Variants in SLIT2 observed in about 807,000 individuals in gnomAD.
The protein encoded by SLIT2 is slit homolog 2 protein.
In SLIT2, 41 loss-of-function variants were observed where a neutral mutation model predicts 185.7. That is an observed-to-expected ratio of 0.22 (90% CI 0.17 to 0.29). The LOEUF is 0.29. SLIT2 is among the 10% of genes least tolerant of loss of function. SLIT2 has a pLI of 1.00. For synonymous variants in SLIT2, 693 were observed against 680.2 expected, an observed-to-expected ratio of 1.02 and a Z score of -0.29; for missense variants, 1,571 against 1,909.0, an observed-to-expected ratio of 0.82 and a Z score of 3.30.
intron 12 of SLIT2, among the ~76,000 whole-genome samples, chr4:20,521,059 A>G (rs1720796543): frequency 6.6e-6 from 1 of 152,212 alleles, no homozygotes; most frequent in Non-Finnish European, 1.5e-5. Flanking sequence ...CCATTCTTCC[A>G]CATTCCCCTA....
intron 4 of SLIT2, among the ~76,000 whole-genome samples, chr4:20,458,088 CAA>C (rs10672353): frequency 0.28 from 31,863 of 112,696 alleles, 3,325 homozygotes; most frequent in Middle Eastern, 0.32. Flanking sequence ...ACACATTATG[CAA>C]AAAAAAAAAA....
chr4:20,285,286 T>G (rs1247764905), intron 4 of SLIT2, among the ~76,000 whole-genome samples: 1 of 152,206 alleles, frequency 6.6e-6, no homozygotes, highest in Non-Finnish European at 1.5e-5. Context: ...CAACAAAGAT[T>G]AACAACCCTT....
chr4:20,296,031 A>G (rs1421257839), intron 4 of SLIT2, among the ~76,000 whole-genome samples: 2 of 152,252 alleles, frequency 1.3e-5, no homozygotes, highest in Non-Finnish European at 2.9e-5. Context: ...AAGTATGTTC[A>G]GACAAGTTTT....
intron 4 of SLIT2, among the ~76,000 whole-genome samples, chr4:20,366,103 T>C (rs1246921258): frequency 6.6e-6 from 1 of 152,120 alleles, no homozygotes; most frequent in Non-Finnish European, 1.5e-5. Flanking sequence ...AATGATATGC[T>C]CAGTGTTAAC....
chr4:20,498,452 A>G (rs1444140459), intron 9 of SLIT2, among the ~76,000 whole-genome samples: 2 of 152,244 alleles, frequency 1.3e-5, no homozygotes. Flanking sequence ...TGACTATCAA[A>G]TCTTAAGAAT....
At chr4:20,304,766 C>T (rs552843539) in intron 4 of SLIT2, among the ~76,000 whole-genome samples, 1 of 152,074 alleles carries the variant, frequency 6.6e-6, no homozygotes, top group African/African-American at 2.4e-5. Flanking sequence ...CCAACCATCC[C>T]CTCACCCCCA....
chr4:20,501,555 AT>A (rs1449131865), intron 9 of SLIT2, among the ~76,000 whole-genome samples: 6 of 152,312 alleles, frequency 3.9e-5, no homozygotes, highest in Admixed American at 2.0e-4. Context: ...AAGTGCTGGA[AT>A]TACAAGTGTG....
chr4:20,533,088 C>G (rs1297792311), intron 17 of SLIT2, among the ~76,000 whole-genome samples: 1 of 152,094 alleles, frequency 6.6e-6, no homozygotes, highest in Non-Finnish European at 1.5e-5. Flanking sequence ...TTGGTTGTTT[C>G]AACACATTAT....
intron 4 of SLIT2, among the ~76,000 whole-genome samples, chr4:20,281,448 G>C (rs1228275005): frequency 6.6e-6 from 1 of 152,130 alleles, no homozygotes; most frequent in Non-Finnish European, 1.5e-5. Context: ...TGTGCACCCG[G>C]GACAATTCAT....
chr4:20,511,238 T>C lies in SLIT2; in HGVS notation c.1058+101T>C, dbSNP rs545101526. The C allele has an allele frequency of 4.2e-4, 263 of 632,834 alleles. 1 individual carries two copies. Among genetic ancestry groups the C allele is most frequent in the Non-Finnish European group, 4.2e-5 (15 of 354,332 alleles). The allele number at this position is 632,834 out of a possible 1,614,324, so 39.2% of individuals were successfully genotyped here. ...AAAAAATGCTCTCAGGTTTTTATTA[T>C]GAATAATGAATTATTAATAATGTTA... On this transcript the variant is annotated intron_variant, in intron 11 of 36. Coordinates refer to ENST00000504154, the MANE Select transcript of SLIT2 (RefSeq NM_004787.4).
intron 34 of SLIT2, among the ~76,000 whole-genome samples, chr4:20,611,494 C>G (rs1729219969): frequency 6.6e-6 from 1 of 152,212 alleles, no homozygotes; most frequent in Non-Finnish European, 1.5e-5. Context: ...GAGGCATCTT[C>G]AAGTAACTAT....
At chr4:20,525,781 A>C (rs1721234526) in intron 15 of SLIT2, among the ~76,000 whole-genome samples, 1 of 152,168 alleles carries the variant, frequency 6.6e-6, no homozygotes, top group African/African-American at 2.4e-5. Context: ...ATTACAATAT[A>C]ACTCCATAAA....
At chr4:20,300,790 TG>T (rs1198417880) in intron 4 of SLIT2, among the ~76,000 whole-genome samples, 2 of 152,182 alleles carry the variant, frequency 1.3e-5, no homozygotes, top group African/African-American at 4.8e-5. Flanking sequence ...TAGGCTTTTA[TG>T]GAACTCTTCC....
chr4:20,401,859 TAATA>T (rs1469784903), intron 4 of SLIT2, among the ~76,000 whole-genome samples: 4 of 151,926 alleles, frequency 2.6e-5, no homozygotes, highest in Non-Finnish European at 5.9e-5. Flanking sequence ...GCATCACACT[TAATA>T]AATCTTAGTT....
chr4:20,398,317 A>T (rs575383179), intron 4 of SLIT2, among the ~76,000 whole-genome samples: 11 of 151,844 alleles, frequency 7.2e-5, no homozygotes, highest in East Asian at 1.9e-4. Context: ...GGGTCTTTGC[A>T]TTTGATTTGG....
At chr4:20,442,754 C>T (rs1374811452) in intron 4 of SLIT2, among the ~76,000 whole-genome samples, 3 of 151,996 alleles carry the variant, frequency 2.0e-5, no homozygotes, top group Admixed American at 1.3e-4. Flanking sequence ...AGAGTAAAGA[C>T]GAAAGACTGG....
At chr4:20,347,316 T>C (rs1397591065) in intron 4 of SLIT2, among the ~76,000 whole-genome samples, 1 of 152,246 alleles carries the variant, frequency 6.6e-6, no homozygotes, top group Non-Finnish European at 1.5e-5. Flanking sequence ...TACCATATAC[T>C]GTTCCAGCTA....
chr4:20,442,089 C>A (rs536282054), intron 4 of SLIT2, among the ~76,000 whole-genome samples: 1 of 152,154 alleles, frequency 6.6e-6, no homozygotes, highest in South Asian at 2.1e-4. Flanking sequence ...TGGGGAAAGG[C>A]AAACTGGGTT....
At chr4:20,464,778 A>G (rs1317341135) in intron 4 of SLIT2, among the ~76,000 whole-genome samples, 1 of 152,142 alleles carries the variant, frequency 6.6e-6, no homozygotes, top group East Asian at 1.9e-4. Flanking sequence ...ATGTGTTGAC[A>G]CATTCACATA....
Sources: gnomAD v4.1 joint callset for allele counts (sites outside exome capture counted in the v4.1 genomes callset) on GRCh38, gnomAD v4.1.1 for gene constraint, MANE v1.5 for transcripts, NCBI Gene and HGNC (gene_info 2026-07-23, HGNC 2026-07-21) for gene names.